ZNF385D: variants seen among roughly 807,000 people sequenced by gnomAD.
ZNF385D encodes zinc finger protein 659.
A neutral mutation model predicts 35.8 loss-of-function variants in ZNF385D; 15 were observed. The observed-to-expected ratio is 0.42, with a 90% CI of 0.28 to 0.64. ZNF385D has a LOEUF of 0.64. Among genes scored for constraint, ZNF385D ranks in the 30% least tolerant of loss-of-function variants. ZNF385D has a pLI of 0.23. For synonymous variants in ZNF385D, 212 were observed against 186.8 expected (o/e 1.13, Z -1.10); for missense variants, 474 against 494.6 (o/e 0.96, Z 0.39).
intron 3 of ZNF385D, among the ~76,000 whole-genome samples, chr3:22,153,271 G>C (rs185219764): frequency 1.6e-4 from 25 of 152,062 alleles, no homozygotes; most frequent in Admixed American, 1.4e-3. Flanking sequence ...GTTCCCCTGA[G>C]GTCCAATTAG....
chr3:21,809,677 C>CACATATATACAT (rs980707332), intron 3 of ZNF385D, among the ~76,000 whole-genome samples: 1 of 150,422 alleles, frequency 6.6e-6, no homozygotes, highest in Non-Finnish European at 1.5e-5. Context: ...CATATATACA[C>CACATATATACAT]ACATATATAC....
intron 2 of ZNF385D, among the ~76,000 whole-genome samples, chr3:22,332,971 G>A (rs1333614118): frequency 6.7e-6 from 1 of 149,912 alleles, no homozygotes; most frequent in Non-Finnish European, 1.5e-5. Flanking sequence ...GGAGAACTTT[G>A]ATCAGTTCTT....
intron 3 of ZNF385D, among the ~76,000 whole-genome samples, chr3:21,880,628 T>G (rs1221653894): frequency 6.6e-6 from 1 of 151,976 alleles, no homozygotes; most frequent in Admixed American, 6.6e-5. Context: ...AACCCTACAA[T>G]GGCCTCTAAG....
chr3:21,854,248 G>A (rs1393317499), intron 3 of ZNF385D, among the ~76,000 whole-genome samples: 2 of 151,798 alleles, frequency 1.3e-5, no homozygotes, highest in Admixed American at 6.6e-5. Flanking sequence ...ATCATTTCCT[G>A]GCTACAATAT....
intron 3 of ZNF385D, among the ~76,000 whole-genome samples, chr3:21,904,803 T>C (rs965983221): frequency 1.3e-5 from 2 of 152,114 alleles, no homozygotes; most frequent in African/African-American, 4.8e-5. Flanking sequence ...TGTCATTGGA[T>C]TGCAGAAAGA....
At chr3:21,687,218 C>G (rs2067134362) in intron 1 of ZNF385D, among the ~76,000 whole-genome samples, 1 of 152,058 alleles carries the variant, frequency 6.6e-6, no homozygotes, top group Admixed American at 6.6e-5. Flanking sequence ...ACCTTATAAC[C>G]CAGGTGACCC....
At chr3:21,887,659 A>T (rs1698618401) in intron 3 of ZNF385D, among the ~76,000 whole-genome samples, 1 of 152,136 alleles carries the variant, frequency 6.6e-6, no homozygotes, top group Admixed American at 6.6e-5. Context: ...AGTAACAAAG[A>T]TGCTACATAA....
chr3:22,131,480 T>C (rs1478964582), intron 3 of ZNF385D, among the ~76,000 whole-genome samples: 1 of 152,036 alleles, frequency 6.6e-6, no homozygotes, highest in African/African-American at 2.4e-5. Context: ...AGAGAATATT[T>C]TTAAGATAAA....
chr3:22,281,032 C>G (rs1701711391), intron 2 of ZNF385D, among the ~76,000 whole-genome samples: 1 of 151,830 alleles, frequency 6.6e-6, no homozygotes, highest in Admixed American at 6.6e-5. Context: ...TGATCTGATT[C>G]TCAGCTTGGT....
intron 3 of ZNF385D, chr3:21,979,915 C>G (rs1040551116): frequency 6.6e-6 from 1 of 152,158 alleles, no homozygotes; most frequent in African/African-American, 2.4e-5. Context: ...CTCCTCTCTT[C>G]AAAAGGTGTA....
chr3:21,439,011 A>G (rs114722207), intron 4 of ZNF385D, among the ~76,000 whole-genome samples: 2,225 of 152,178 alleles, frequency 0.015, 45 homozygotes, highest in African/African-American at 0.051. Flanking sequence ...ATTGCCCCCT[A>G]TATACCAGAA....
chr3:21,867,169 GAGC>G (rs1202164840), intron 3 of ZNF385D, among the ~76,000 whole-genome samples: 1 of 152,114 alleles, frequency 6.6e-6, no homozygotes, highest in African/African-American at 2.4e-5. Context: ...ACATCACAGA[GAGC>G]AGAAGAGAGT....
intron 3 of ZNF385D, among the ~76,000 whole-genome samples, chr3:22,129,717 C>T (rs969365698): frequency 5.9e-5 from 9 of 151,952 alleles, no homozygotes; most frequent in African/African-American, 1.7e-4. Context: ...TCTGTTTTTT[C>T]AGGGTAACAG....
chr3:21,926,019 C>T (rs544486991), intron 3 of ZNF385D, among the ~76,000 whole-genome samples: 8 of 152,078 alleles, frequency 5.3e-5, no homozygotes, highest in Non-Finnish European at 7.4e-5. Flanking sequence ...ATCACTTATA[C>T]GTGGATAGTC....
intron 2 of ZNF385D, among the ~76,000 whole-genome samples, chr3:22,172,623 G>A (rs374675067): frequency 1.1e-4 from 16 of 152,132 alleles, no homozygotes; most frequent in African/African-American, 2.2e-4. Flanking sequence ...CCTACAATTC[G>A]TGTAACCTAA....
intron 3 of ZNF385D, chr3:21,777,505 G>C (rs1485360093): frequency 1.3e-5 from 2 of 151,846 alleles, no homozygotes; most frequent in Non-Finnish European, 2.9e-5. Flanking sequence ...GGTGCATTGG[G>C]AAGAAAGGCT....
intron 3 of ZNF385D, among the ~76,000 whole-genome samples, chr3:21,883,850 A>G (rs957862277): frequency 2.0e-5 from 3 of 152,070 alleles, no homozygotes; most frequent in Non-Finnish European, 4.4e-5. Flanking sequence ...ACTGAACTAC[A>G]TATCAGAACA....
At chr3:21,523,417 CTAAA>C (rs1353119269) in intron 3 of ZNF385D, among the ~76,000 whole-genome samples, 1 of 152,122 alleles carries the variant, frequency 6.6e-6, no homozygotes, top group East Asian at 1.9e-4. Context: ...GGACATAAGA[CTAAA>C]TAGTGCATAG....
intron 3 of ZNF385D, among the ~76,000 whole-genome samples, chr3:21,971,738 A>T (rs1703270848): frequency 6.6e-6 from 1 of 151,880 alleles, no homozygotes; most frequent in Admixed American, 6.6e-5. Context: ...ACCTATAAAG[A>T]TACATATAAA....
Sources: allele counts gnomAD v4.1 joint callset (sites outside exome capture counted in the v4.1 genomes callset), GRCh38; gene constraint gnomAD v4.1.1; transcripts MANE v1.5; gene names NCBI Gene and HGNC (gene_info 2026-07-23, HGNC 2026-07-21).